Variants in SSUH2 observed in about 807,000 individuals in gnomAD.
The protein encoded by SSUH2 is ssu-2 homolog.
SSUH2 carries 47 observed loss-of-function variants against 55.3 expected under a neutral mutation model. The ratio of observed to expected loss-of-function variants is 0.85; its 90% CI spans 0.67 to 1.08. SSUH2 has a LOEUF of 1.08. Ranked by LOEUF, SSUH2 falls within the 50% of genes least tolerant of loss-of-function variation. The pLI, the probability that SSUH2 is intolerant of heterozygous loss-of-function variation, is 0.00. For missense variants in SSUH2, 535 were observed against 490.7 expected (o/e 1.09, Z -0.85); for synonymous variants, 212 against 191.5 (o/e 1.11, Z -0.89).
chr3:8,635,641 C>G lies in SSUH2; in HGVS notation c.127+118G>C, dbSNP rs1027523520. 4.2e-5 allele frequency: 43 copies of G among 1,035,268 alleles called. No homozygotes were observed. In the Admixed American group the frequency reaches 1.2e-3, roughly 28 times the overall value. 64.1% of individuals were successfully genotyped at this position (1,035,268 alleles called of 1,614,324 possible). A position where few individuals can be genotyped will look rare whatever the true frequency, so the allele number is the denominator to read the frequency against. On this transcript the variant is annotated intron_variant, in intron 2 of 11. Coordinates refer to ENST00000544814, the MANE Select transcript of SSUH2 (RefSeq NM_001256748.3). ...CCACCTGCCCAAGATGAGGGGCTTC[C>G]CAGGGCCCCCCCAGGGAAAGGGGAG...
intron 2 of SSUH2, among the ~76,000 whole-genome samples, chr3:8,679,444 GC>G (rs1356735335): frequency 2.2e-4 from 29 of 130,572 alleles, no homozygotes; most frequent in Non-Finnish European, 3.9e-4. Context: ...CCCCATCACA[GC>G]GGGGGGAGGC....
chr3:8,666,636 G>C (rs1230799606), intron 5 of SSUH2, among the ~76,000 whole-genome samples: 10 of 152,150 alleles, frequency 6.6e-5, no homozygotes, highest in Admixed American at 5.9e-4. Context: ...ACCAAATGTA[G>C]GCAGGGGGCA....
chr3:8,666,547 G>A (rs1213506214), intron 5 of SSUH2, among the ~76,000 whole-genome samples: 1 of 152,066 alleles, frequency 6.6e-6, no homozygotes, highest in Non-Finnish European at 1.5e-5. Flanking sequence ...CGTGTGTTGG[G>A]AAAAACTCTC....
intron 3 of SSUH2, among the ~76,000 whole-genome samples, chr3:8,675,976 G>GC (rs1003272426): frequency 2.6e-5 from 4 of 152,038 alleles, no homozygotes; most frequent in African/African-American, 7.2e-5. Flanking sequence ...CTAAAGGATG[G>GC]CCCCCCGTTT....
intron 3 of SSUH2, among the ~76,000 whole-genome samples, chr3:8,673,252 G>A (rs1704817611): frequency 4.6e-5 from 7 of 151,786 alleles, no homozygotes; most frequent in Admixed American, 2.6e-4. Context: ...ATTATTATCG[G>A]TATTGATTTT....
intron 2 of SSUH2, among the ~76,000 whole-genome samples, chr3:8,678,052 C>T (rs1341187753): frequency 3.3e-5 from 5 of 152,024 alleles, no homozygotes; most frequent in Admixed American, 6.5e-5. Flanking sequence ...TCCTCTCCCA[C>T]GTTGCAATTA....
chr3:8,621,088 C>T (rs571804934), intron 11 of SSUH2, among the ~76,000 whole-genome samples: 5 of 152,316 alleles, frequency 3.3e-5, no homozygotes, highest in Non-Finnish European at 5.9e-5. Flanking sequence ...AACTACACTT[C>T]GTAGTTGACA....
intron 4 of SSUH2, 115 bp downstream of exon 4, chr3:8,633,551 C>G: frequency 1.3e-6 from 1 of 789,858 alleles, no homozygotes; most frequent in Non-Finnish European, 1.9e-6. Flanking sequence ...CTCAAACACA[C>G]TGCCCCCAGG....
intron 3 of SSUH2, among the ~76,000 whole-genome samples, chr3:8,676,560 T>C (rs1462769193): frequency 6.6e-6 from 1 of 151,024 alleles, no homozygotes; most frequent in Middle Eastern, 3.2e-3. Flanking sequence ...GGGAGTAATA[T>C]CAACCTCTCG....
intron 1 of SSUH2, among the ~76,000 whole-genome samples, chr3:8,681,155 CAT>C (rs1488354568): frequency 2.2e-5 from 3 of 138,618 alleles, no homozygotes; most frequent in Non-Finnish European, 4.9e-5. Context: ...TTAGGACTTC[CAT>C]AGCAGGGGGG....
At chr3:8,659,516 C>T in intron 6 of SSUH2, 1 of 278,086 alleles carries the variant, frequency 3.6e-6, no homozygotes, top group South Asian at 3.7e-5. Context: ...TGTCTGTGAA[C>T]ATGGGACACC....
chr3:8,626,282 G>A lies in SSUH2; in HGVS notation c.714C>T (p.Ala238=). 6.2e-7 allele frequency: 1 copy of A among 1,614,112 alleles called. No individual in the cohort carries two copies. Among genetic ancestry groups the A allele is most frequent in the Non-Finnish European group, 8.5e-7 (1 of 1,180,006 alleles). The change falls in exon 9 of 12, where the codon GCC becomes GCT. Residue 238 remains alanine (A), a synonymous_variant. Transcript: ENST00000544814. ...TCSGRGNKTC[A]TCKGEKKLLH... is the part of the protein sequence containing the mutation. ...ACAGCTTCTTCTCCCCCTTGCAGGT[G>A]GCGCAGGTCTTGTTCCCTCTCCCTG...
chr3:8,655,577 T>C (rs538995072), intron 7 of SSUH2, among the ~76,000 whole-genome samples: 1 of 152,310 alleles, frequency 6.6e-6, no homozygotes, highest in Non-Finnish European at 1.5e-5. Flanking sequence ...TGGGTCATTC[T>C]TGCCCCCATT....
intron 3 of SSUH2, among the ~76,000 whole-genome samples, chr3:8,675,481 C>T (rs191368517): frequency 3.9e-5 from 6 of 152,282 alleles, no homozygotes; most frequent in Admixed American, 2.6e-4. Context: ...TGCCCTACAC[C>T]AGCACCTGGA....
intron 1 of SSUH2, among the ~76,000 whole-genome samples, chr3:8,680,819 G>A (rs1402868029): frequency 2.6e-5 from 4 of 152,062 alleles, no homozygotes; most frequent in Non-Finnish European, 4.4e-5. Flanking sequence ...ATATTGCAGG[G>A]TGGGTGTACA....
chr3:8,664,581 G>A lies in SSUH2; in HGVS notation c.-454-779C>T, dbSNP rs141069578. Among the ~76,000 whole-genome samples the A allele has an allele frequency of 3.8e-3, 571 of 152,194 alleles. 3 individuals are homozygous for A. Among genetic ancestry groups the A allele is most frequent in the African/African-American group, 0.013 (540 of 41,526 alleles). On this transcript the variant is annotated intron_variant, in intron 5 of 18. Coordinates refer to the SSUH2 transcript ENST00000317371. ...AAATGCACCCCATTTTGAGAAACTC[G>A]ACCATCTCATTTCATGGATGAGGAA... is the stretch of plus-strand genomic sequence containing the variant.
intron 5 of SSUH2, chr3:8,663,829 C>A (rs1053711566): frequency 2.2e-6 from 1 of 456,612 alleles, no homozygotes; most frequent in Admixed American, 2.3e-5. Flanking sequence ...GATAAATTTA[C>A]GGAAAAATTC....
chr3:8,672,232 C>G (rs1408155509), intron 3 of SSUH2, among the ~76,000 whole-genome samples: 1 of 151,954 alleles, frequency 6.6e-6, no homozygotes, highest in Non-Finnish European at 1.5e-5. Context: ...ACTTTCTGCG[C>G]TATTGGGAGT....
intron 11 of SSUH2, among the ~76,000 whole-genome samples, chr3:8,622,016 G>A (rs976327360): frequency 1.3e-5 from 2 of 150,608 alleles, no homozygotes; most frequent in African/African-American, 4.9e-5. Flanking sequence ...GACATCAATT[G>A]CCATCAAGTG....
Sources: allele counts gnomAD v4.1 joint callset (sites outside exome capture counted in the v4.1 genomes callset), GRCh38; gene constraint gnomAD v4.1.1; transcripts MANE v1.5; gene names NCBI Gene and HGNC (gene_info 2026-07-23, HGNC 2026-07-21).